DDX21: variants seen among roughly 807,000 people sequenced by gnomAD.
DDX21 encodes DExD-box helicase 21.
In DDX21, 18 loss-of-function variants were observed where a neutral mutation model predicts 90.0. That is an observed-to-expected ratio of 0.20 (90% CI 0.14 to 0.30). The LOEUF (loss-of-function observed/expected upper bound fraction) is 0.30. Ranked by LOEUF, DDX21 falls within the 10% of genes least tolerant of loss-of-function variation. The pLI, the probability that DDX21 is intolerant of heterozygous loss-of-function variation, is 1.00. For synonymous variants in DDX21, 294 were observed against 318.0 expected (o/e 0.92, Z 0.80); for missense variants, 673 against 944.5 (o/e 0.71, Z 3.77).
chr10:68,982,948 A>C lies in DDX21; in HGVS notation c.*136A>C. 1 of 1,046,234 alleles carries C rather than the reference A, an allele frequency of 9.6e-7. No homozygotes were observed. The highest frequency in any genetic ancestry group is 1.6e-5 in the African/African-American group (1 of 61,866). 64.8% of individuals were successfully genotyped at this position (1,046,234 alleles called of 1,614,324 possible). A position where few individuals can be genotyped will look rare whatever the true frequency, so the allele number is the denominator to read the frequency against. ...TGCCAAGTCCCTGTCTCTTTCAGAC[A>C]CAGACAAGCTTCATTTAAATTATTT... On this transcript the variant is annotated 3_prime_UTR_variant, in exon 15 of 15. Transcript: ENST00000354185.
At chr10:68,972,746 G>A (rs142579890) in intron 9 of DDX21, among the ~76,000 whole-genome samples, 1 of 152,284 alleles carries the variant, frequency 6.6e-6, no homozygotes, top group East Asian at 1.9e-4. Flanking sequence ...AATGTAGGTG[G>A]TCTGAATTGA....
Position 68,972,828 on chromosome 10 carries a change from G to A in DDX21, c.1549-717G>A, listed in dbSNP as rs145988716. Reference sequence around the variant, plus strand: ...TGCGGTCTGGATTTTGAAGACTTACGAAAAAATACAAAATATTGCATTGGT... The same window carrying A: ...TGCGGTCTGGATTTTGAAGACTTACAAAAAAATACAAAATATTGCATTGGT... On this transcript the variant is annotated intron_variant, in intron 9 of 14. Coordinates refer to ENST00000354185, the MANE Select transcript of DDX21 (RefSeq NM_004728.4). 2.2e-3 allele frequency among the ~76,000 whole-genome samples: 334 copies of A among 152,158 alleles called. 1 individual carries two copies. Among genetic ancestry groups the A allele is most frequent in the African/African-American group, 7.6e-3 (315 of 41,520 alleles).
chr10:68,977,548 C>G lies in DDX21; in HGVS notation c.1762C>G (p.Pro588Ala), dbSNP rs984163049. The stretch of plus-strand genomic sequence containing the variant: ...CAACAGGCTTTTGGATTCCGTGCCT[C>G]CCACTGCCATTAGTCACTTCAAACA... ...DAIRLLDSVP[P>A]TAISHFKQSA... Residue 588 changes from proline to alanine, a missense_variant, in exon 12 of 15, where the codon CCC becomes GCC. Pro to Ala is a conservative substitution (Grantham distance 27). Coordinates refer to ENST00000354185, the MANE Select transcript of DDX21 (RefSeq NM_004728.4). 1 of 1,610,508 alleles carries G rather than the reference C, an allele frequency of 6.2e-7. No individual in the cohort carries two copies. Among genetic ancestry groups the G allele is most frequent in the African/African-American group, 1.3e-5 (1 of 74,968 alleles).
At chr10:68,981,140 T>G (rs1401541505) in intron 13 of DDX21, among the ~76,000 whole-genome samples, 1 of 152,238 alleles carries the variant, frequency 6.6e-6, no homozygotes, top group Non-Finnish European at 1.5e-5. Flanking sequence ...CTATAGGTTT[T>G]AGAGCCATAC....
Position 68,974,673 on chromosome 10 carries a change from A to G in DDX21, c.1672A>G (p.Ile558Val), listed in dbSNP as rs763313493. ...QLVQVEQKAG[I>V]KFKRIGVPSA... ...ACTGTGGTTCATTTTCCTGTAGGGA[A>G]TTAAGTTCAAACGAATAGGTGTTCC... The change falls in exon 11 of 15, where the codon ATT becomes GTT. Residue 558 changes from isoleucine (I) to valine (V), a missense_variant. Transcript: ENST00000354185. 1.7e-5 allele frequency: 27 copies of G among 1,613,732 alleles called. No individual in the cohort carries two copies. The Admixed American group carries it at 4.3e-4, about 26-fold the overall frequency.
Position 68,962,153 on chromosome 10 carries a change from C to G in DDX21, c.603C>G (p.Leu201=), listed in dbSNP as rs754085909. 24 of 1,600,484 alleles carry G rather than the reference C, an allele frequency of 1.5e-5. No individual in the cohort carries two copies. Among genetic ancestry groups the G allele is most frequent in the Non-Finnish European group, 1.9e-5 (22 of 1,170,046 alleles). The change falls in exon 3 of 15, where the codon CTC becomes CTG. Residue 201 remains leucine, a synonymous_variant. Transcript: ENST00000354185. ...TATCTGAAGAAACTATTAAACTTCT[C>G]AAAGGTAATGTTCTTGGAAATATCG... ...FPISEETIKL[L]KGRGVTFLFP... is the part of the protein sequence containing the mutation.
intron 4 of DDX21, chr10:68,964,101 G>GAAAAA (rs750726882): frequency 0.01 from 2,419 of 235,142 alleles, 2 homozygotes; most frequent in South Asian, 0.018. Flanking sequence ...TCCGTCTCAA[G>GAAAAA]AAAAAAAAAA....
intron 7 of DDX21, 152 bp from the exon 8 acceptor site, chr10:68,970,049 T>G (rs1843000347): frequency 1.7e-6 from 1 of 603,404 alleles, no homozygotes; most frequent in Non-Finnish European, 2.6e-6. Context: ...TTTCTGTCAG[T>G]GGTGGCTGCA....
At chr10:68,968,845 T>C in intron 6 of DDX21, 131 bp from the exon 7 acceptor site, 1 of 946,178 alleles carries the variant, frequency 1.1e-6, no homozygotes. Flanking sequence ...TTTTGTGTCC[T>C]CAGTGCCCGA....
chr10:68,956,599 G>A (rs1842799088), intron 1 of DDX21: 1 of 1,244,728 alleles, frequency 8.0e-7, no homozygotes, highest in African/African-American at 1.5e-5. Flanking sequence ...TGGAGCTCGG[G>A]AGAGGGCCGG....
chr10:68,963,543 A>G (rs763020165), intron 4 of DDX21, 74 bp downstream of exon 4: 45 of 1,386,944 alleles, frequency 3.2e-5, no homozygotes, highest in Admixed American at 5.0e-5. Context: ...TACATACCCT[A>G]CTATTTTTTA....
Position 68,956,946 on chromosome 10 carries a change from G to A in DDX21, c.87+634G>A, listed in dbSNP as rs571407223. On this transcript the variant is annotated intron_variant, in intron 1 of 14. Transcript: ENST00000354185. Reference sequence around the variant, plus strand: ...AGTCCCAGCTACTCGGGAGGCTGAGGCAGGAGAATTGCTTGAACCCGGGAG... The same window carrying A: ...AGTCCCAGCTACTCGGGAGGCTGAGACAGGAGAATTGCTTGAACCCGGGAG... Among the ~76,000 whole-genome samples the A allele has an allele frequency of 2.0e-5, 3 of 152,054 alleles. No individual in the cohort carries two copies. In the South Asian group the frequency reaches 6.2e-4, roughly 32 times the overall value.
chr10:68,980,809 A>G (rs1281891796), intron 13 of DDX21, among the ~76,000 whole-genome samples: 6 of 143,934 alleles, frequency 4.2e-5, no homozygotes, highest in Non-Finnish European at 9.0e-5. Flanking sequence ...AGCCTGGGTA[A>G]TGTAGTGAGA....
At chr10:68,957,785 A>G (rs1187465598) in intron 1 of DDX21, among the ~76,000 whole-genome samples, 1 of 152,128 alleles carries the variant, frequency 6.6e-6, no homozygotes, top group Non-Finnish European at 1.5e-5. Context: ...TTCTTAATCT[A>G]TGATTTGAGA....
chr10:68,956,847 C>G lies in DDX21; in HGVS notation c.87+535C>G, dbSNP rs185680867. ...CATGAGGTCAGGAGTTCGAGACCAG[C>G]CTGGCCAACATAGTGAAATCCCGTC... On this transcript the variant is annotated intron_variant, in intron 1 of 14. Transcript: ENST00000354185. The G allele has an allele frequency of 7.5e-3, 5,636 of 753,502 alleles. 34 individuals are homozygous for G. The highest frequency in any genetic ancestry group is 8.4e-3 in the Non-Finnish European group (5,181 of 617,506). The allele number at this position is 753,502 out of a possible 1,614,324, so 46.7% of individuals were successfully genotyped here.
In DDX21 at chr10:68,977,678, A is replaced by G; in HGVS notation, c.1892A>G (p.Asn631Ser). Reference protein sequence around the residue: ...ATSVDQRSLINSNVGFVTMIL... With the variant: ...ATSVDQRSLISSNVGFVTMIL... ...TCCGTAGACCAGCGCTCCTTGATCA[A>G]CTCAAATGTGGTAAGGTTCTGCAGC... Residue 631 changes from asparagine (N) to serine (S), a missense_variant, in exon 12 of 15, where the codon AAC (asparagine) becomes AGC (serine). This residue lies in a region of DDX21 where 225 missense variants were observed against 298.8 expected (regional missense o/e 0.75). Coordinates refer to ENST00000354185, the MANE Select transcript of DDX21 (RefSeq NM_004728.4). 1 of 1,611,160 alleles carries G rather than the reference A, an allele frequency of 6.2e-7. No homozygotes were observed. Among genetic ancestry groups the G allele is most frequent in the South Asian group, 1.1e-5 (1 of 90,772 alleles).
intron 13 of DDX21, among the ~76,000 whole-genome samples, chr10:68,979,510 G>A (rs1307678424): frequency 6.6e-6 from 1 of 152,064 alleles, no homozygotes. Flanking sequence ...AATTAAAACT[G>A]GAACTCTAAA....
chr10:68,972,932 C>G (rs1362021586), intron 9 of DDX21, among the ~76,000 whole-genome samples: 1 of 152,122 alleles, frequency 6.6e-6, no homozygotes, highest in African/African-American at 2.4e-5. Flanking sequence ...TGTCTGTAAT[C>G]CCAGCACCTT....
At chr10:68,967,678 G>A (rs563481875) in intron 6 of DDX21, among the ~76,000 whole-genome samples, 5 of 152,144 alleles carry the variant, frequency 3.3e-5, no homozygotes, top group African/African-American at 1.2e-4. Context: ...ATCTTGATGT[G>A]GTCTGCTTTT....
Sources: gnomAD v4.1 joint callset for allele counts (sites outside exome capture counted in the v4.1 genomes callset) on GRCh38, gnomAD v4.1.1 for gene constraint, gnomAD v4.1.1 regional missense constraint, MANE v1.5 for transcripts, NCBI Gene and HGNC (gene_info 2026-07-23, HGNC 2026-07-21) for gene names.